Variants in ZDHHC6 observed in about 807,000 individuals in gnomAD.
The protein encoded by ZDHHC6 is palmitoyltransferase ZDHHC6.
ZDHHC6 carries 32 observed loss-of-function variants against 57.8 expected under a neutral mutation model. The observed-to-expected ratio is 0.55, with a 90% CI of 0.42 to 0.74. The LOEUF is 0.74. Ranked by LOEUF, ZDHHC6 falls within the 30% of genes least tolerant of loss-of-function variation. ZDHHC6 has a pLI of 0.00. For synonymous variants in ZDHHC6, 128 were observed against 158.0 expected, an observed-to-expected ratio of 0.81 and a Z score of 1.42; for missense variants, 433 against 500.7, an observed-to-expected ratio of 0.86 and a Z score of 1.29.
chr10:112,441,377 T>C (rs1846105671), intron 4 of ZDHHC6, among the ~76,000 whole-genome samples: 1 of 152,232 alleles, frequency 6.6e-6, no homozygotes, highest in Non-Finnish European at 1.5e-5. Flanking sequence ...AAGTGCTGCC[T>C]AGGATTCAGT....
At chr10:112,442,597 C>G (rs117146465) in intron 3 of ZDHHC6, among the ~76,000 whole-genome samples, 7 of 152,262 alleles carry the variant, frequency 4.6e-5, no homozygotes, top group Non-Finnish European at 1.0e-4. Flanking sequence ...ATGTCAGCTA[C>G]AAGTATTTGT....
intron 4 of ZDHHC6, among the ~76,000 whole-genome samples, chr10:112,441,679 C>T (rs550817372): frequency 6.6e-6 from 1 of 152,184 alleles, no homozygotes; most frequent in African/African-American, 2.4e-5. Flanking sequence ...ACTTTCAAGG[C>T]CTGTTTAGGG....
downstream of ZDHHC6, among the ~76,000 whole-genome samples, chr10:112,428,811 C>G (rs544678796): frequency 7.2e-5 from 11 of 151,932 alleles, no homozygotes; most frequent in African/African-American, 2.4e-4. Flanking sequence ...ACCACTAATG[C>G]CTGGTTGCCA....
chr10:112,438,361 G>T lies in ZDHHC6; in HGVS notation c.710C>A (p.Ser237Tyr). The T allele has an allele frequency of 2.2e-6, 3 of 1,374,560 alleles. No individual in the cohort carries two copies. The highest frequency in any genetic ancestry group is 2.9e-6 in the Non-Finnish European group (3 of 1,032,548). The allele number at this position is 1,374,560 out of a possible 1,614,324, so 85.1% of individuals were successfully genotyped here. A position where few individuals can be genotyped will look rare whatever the true frequency, so the allele number is the denominator to read the frequency against. Residue 237 changes from serine to tyrosine, a missense_variant, in exon 6 of 11, where the codon TCT (serine) becomes TAT (tyrosine). Physicochemically the swap from Ser to Tyr is moderately radical, Grantham distance 144. Coordinates refer to ENST00000369405, the MANE Select transcript of ZDHHC6 (RefSeq NM_022494.3). ...QMKIILRNKT[S>Y]IESWIEEKAK... The stretch of plus-strand genomic sequence containing the variant: ...CTTCTCTTCAATCCATGACTCAATA[G>T]AAGTTTTGTTTCTGAGAATTATTTT...
chr10:112,426,209 C>A, downstream of ZDHHC6: 1 of 1,439,274 alleles, frequency 6.9e-7, no homozygotes, highest in Non-Finnish European at 9.8e-7. Context: ...GGGGGACATC[C>A]CTACATAACT....
At chr10:112,426,115 G>T, downstream of ZDHHC6, 3 of 604,066 alleles carry the variant, frequency 5.0e-6, no homozygotes, top group Non-Finnish European at 8.7e-6. Flanking sequence ...GAAAATATAT[G>T]GTGAGAAAAG....
chr10:112,447,170 T>A (rs563250452), upstream of ZDHHC6: 1 of 541,318 alleles, frequency 1.8e-6, no homozygotes, highest in African/African-American at 1.9e-5. Flanking sequence ...GAGCGGAAAA[T>A]AAAGCACGCA....
Position 112,430,878 on chromosome 10 carries a change from T to C in ZDHHC6, c.1168A>G (p.Arg390Gly). The C allele has an allele frequency of 6.2e-7, 1 of 1,613,878 alleles. No homozygotes were observed. Among genetic ancestry groups the C allele is most frequent in the Non-Finnish European group, 8.5e-7 (1 of 1,179,892 alleles). Residue 390 changes from arginine to glycine, a missense_variant, in exon 11 of 11, where the codon AGA becomes GGA. By Grantham distance (125) the Arg-to-Gly change is moderately radical. Transcript: ENST00000369405. ...CAGGGACACTTTTCCACACATTTTC[T>C]AGGGAACCAACCCCTTATTCTTGAA... ...GVSRIRGWFP[R>G]KCVEKCPCDA...
chr10:112,431,887 G>A (rs748738252), intron 10 of ZDHHC6, among the ~76,000 whole-genome samples: 6 of 152,152 alleles, frequency 3.9e-5, no homozygotes, highest in African/African-American at 7.2e-5. Flanking sequence ...TCTGTTTTCA[G>A]TGCATAGCTA....
intron 3 of ZDHHC6, among the ~76,000 whole-genome samples, chr10:112,442,768 A>G (rs12355831): frequency 0.077 from 11,784 of 152,232 alleles, 580 homozygotes; most frequent in Non-Finnish European, 0.089. Context: ...AGTGGGGTTA[A>G]TGGGCTCAAA....
chr10:112,427,735 A>G (rs184595336), downstream of ZDHHC6: 7 of 157,658 alleles, frequency 4.4e-5, no homozygotes, highest in Admixed American at 4.5e-4. Flanking sequence ...TGATAAACAT[A>G]ACTTGCCAAC....
chr10:112,426,455 A>T (rs1365268702), downstream of ZDHHC6: 1 of 1,013,116 alleles, frequency 9.9e-7, no homozygotes, highest in Non-Finnish European at 1.5e-6. Context: ...AAGTGGCTGC[A>T]GCCCAAACAG....
rs770248951 is a variant in ZDHHC6, at chr10:112,445,433, C to G, written c.4G>C (p.Gly2Arg). Residue 2 changes from glycine (G) to arginine (R), a missense_variant, in exon 2 of 11, where the codon GGT becomes CGT. Coordinates refer to ENST00000369405, the MANE Select transcript of ZDHHC6 (RefSeq NM_022494.3). ...AACTTGATAACCGAACAGAATGTAC[C>G]CATTTTGGCAAGGAAGAATGCCTTC... is the stretch of plus-strand genomic sequence containing the variant. M[G>R]TFCSVIKFEN... 2.6e-5 allele frequency: 42 copies of G among 1,612,032 alleles called. No homozygotes were observed. The highest frequency in any genetic ancestry group is 3.5e-5 in the Non-Finnish European group (41 of 1,178,542).
In ZDHHC6 at chr10:112,445,440, G is replaced by A. The variant is rs776043325; in HGVS notation, c.-4C>T. The A allele has an allele frequency of 6.2e-7, 1 of 1,610,894 alleles. No individual in the cohort carries two copies. The highest frequency in any genetic ancestry group is 2.2e-5 in the East Asian group (1 of 44,810). On this transcript the variant is annotated 5_prime_UTR_variant, in exon 2 of 11. Coordinates refer to ENST00000369405, the MANE Select transcript of ZDHHC6 (RefSeq NM_022494.3). ...TAACCGAACAGAATGTACCCATTTT[G>A]GCAAGGAAGAATGCCTTCCTACTTT... is the stretch of plus-strand genomic sequence containing the variant.
At chr10:112,433,368 AT>A in intron 7 of ZDHHC6, 87 bp from the exon 8 acceptor site, 2 of 1,080,202 alleles carry the variant, frequency 1.9e-6, no homozygotes, top group Non-Finnish European at 2.6e-6. Context: ...TCAGAGTGAT[AT>A]GGCAAAACCC....
chr10:112,428,110 G>A (rs1405078917), downstream of ZDHHC6: 1 of 262,938 alleles, frequency 3.8e-6, no homozygotes, highest in Non-Finnish European at 7.1e-6. Flanking sequence ...GTTTGCTGCT[G>A]AGCTGGAAGC....
intron 6 of ZDHHC6, among the ~76,000 whole-genome samples, chr10:112,434,673 C>T (rs1419860990): frequency 6.6e-6 from 1 of 152,158 alleles, no homozygotes; most frequent in African/African-American, 2.4e-5. Flanking sequence ...ATGTGATTAC[C>T]TAGGAAATAT....
downstream of ZDHHC6, chr10:112,425,588 A>T: frequency 6.0e-6 from 5 of 832,838 alleles, no homozygotes; most frequent in Non-Finnish European, 8.1e-6. Context: ...ATCCAAGCTT[A>T]TAAAACTAAA....
intron 6 of ZDHHC6, among the ~76,000 whole-genome samples, chr10:112,437,917 G>C (rs925673111): frequency 6.6e-6 from 1 of 152,182 alleles, no homozygotes; most frequent in Non-Finnish European, 1.5e-5. Flanking sequence ...TGAAGTATTG[G>C]ACATTGTGAG....
Sources: gnomAD v4.1 joint callset for allele counts (sites outside exome capture counted in the v4.1 genomes callset) on GRCh38, gnomAD v4.1.1 for gene constraint, MANE v1.5 for transcripts, NCBI Gene and HGNC (gene_info 2026-07-23, HGNC 2026-07-21) for gene names.